The following KLHL14 variants were observed in gnomAD, a reference collection of about 807,000 sequenced individuals.
KLHL14 encodes the protein kelch-like protein 14.
Under a neutral mutation model 64.3 loss-of-function variants are expected in KLHL14, and 22 were observed. The observed-to-expected ratio is 0.34, with a 90% CI of 0.24 to 0.49. The LOEUF is 0.49. KLHL14 is among the 20% of genes least tolerant of loss of function. The probability of loss-of-function intolerance (pLI) is 0.99; values close to 1 mark genes in which losing one functional copy is unlikely to be tolerated. For missense variants in KLHL14, 661 were observed against 789.0 expected, an observed-to-expected ratio of 0.84 and a Z score of 1.94; for synonymous variants, 322 against 333.4, an observed-to-expected ratio of 0.97 and a Z score of 0.37.
chr18:32,724,975 C>T (rs1204204688), intron 3 of KLHL14, among the ~76,000 whole-genome samples: 1 of 151,744 alleles, frequency 6.6e-6, no homozygotes, highest in Non-Finnish European at 1.5e-5. Context: ...TGTTCATTAC[C>T]ATGTTTAGCA....
chr18:32,731,872 C>T (rs1211256639), intron 3 of KLHL14, among the ~76,000 whole-genome samples: 1 of 152,068 alleles, frequency 6.6e-6, no homozygotes, highest in Admixed American at 6.5e-5. Context: ...TTTAAAAATT[C>T]ACTCCAAATG....
At position 32,734,282 on chromosome 18, in the gene KLHL14, G is replaced by C. The variant is rs1180673413; in HGVS notation, c.1069+7646C>G. The C allele has an allele frequency of 5.7e-6, 4 of 701,994 alleles. No individual in the cohort carries two copies. The South Asian group carries it at 5.9e-5, about 10-fold the overall frequency. 43.5% of individuals were successfully genotyped at this position (701,994 alleles called of 1,614,324 possible). The stretch of plus-strand genomic sequence containing the variant: ...TGATATATGTCACTTTTAATCACCA[G>C]TGCAAGACACTGCAGCTCTTTCTTC... On this transcript the variant is annotated intron_variant, in intron 3 of 8. Transcript: ENST00000359358.
chr18:32,768,933 G>C (rs994072621), intron 2 of KLHL14, among the ~76,000 whole-genome samples: 1 of 152,122 alleles, frequency 6.6e-6, no homozygotes, highest in East Asian at 1.9e-4. Flanking sequence ...CTCAGAAATG[G>C]GAGTTGCTAG....
chr18:32,707,348 C>A (rs1389520055), intron 3 of KLHL14, among the ~76,000 whole-genome samples: 6 of 152,234 alleles, frequency 3.9e-5, no homozygotes, highest in Non-Finnish European at 8.8e-5. Flanking sequence ...TCCTTCAGGG[C>A]AGGCCAGCCT....
rs144185544 is a variant in KLHL14, at chr18:32,718,192, C to A, written c.1070-22640G>T. On this transcript the variant is annotated intron_variant, in intron 3 of 8. Transcript: ENST00000359358. ...GATTTAATTATGTTATTTCTCTGCT[C>A]AAAGATTTTTGGTGAGTCCCCACTG... Among the ~76,000 whole-genome samples the A allele has an allele frequency of 1.1e-3, 173 of 152,264 alleles. 1 individual carries two copies. The highest frequency in any genetic ancestry group is 3.6e-3 in the African/African-American group (149 of 41,558).
intron 3 of KLHL14, among the ~76,000 whole-genome samples, chr18:32,741,660 C>T (rs1186424294): frequency 6.6e-6 from 1 of 152,110 alleles, no homozygotes; most frequent in Non-Finnish European, 1.5e-5. Context: ...GATCTTTGCT[C>T]CTCCCCCACA....
chr18:32,718,323 C>A (rs76616297), intron 3 of KLHL14, among the ~76,000 whole-genome samples: 1 of 152,174 alleles, frequency 6.6e-6, no homozygotes, highest in Non-Finnish European at 1.5e-5. Flanking sequence ...ATTTAAAATG[C>A]AATGTCATAT....
chr18:32,729,203 C>T (rs2050122945), intron 3 of KLHL14, among the ~76,000 whole-genome samples: 1 of 152,104 alleles, frequency 6.6e-6, no homozygotes, highest in Admixed American at 6.6e-5. Flanking sequence ...GTGGGGGTCA[C>T]CTATTTGTTT....
intron 4 of KLHL14, among the ~76,000 whole-genome samples, chr18:32,694,132 T>C (rs2049925885): frequency 6.6e-6 from 1 of 152,218 alleles, no homozygotes; most frequent in Non-Finnish European, 1.5e-5. Flanking sequence ...AGAGGTCTAT[T>C]CTACCTGCAA....
At chr18:32,772,132 G>A (rs1181268209) in intron 1 of KLHL14, 4 of 263,806 alleles carry the variant, frequency 1.5e-5, no homozygotes, top group South Asian at 4.1e-5. Flanking sequence ...CCGCCCGGGG[G>A]AGAGCCGCCG....
chr18:32,739,160 G>T (rs1156722945), intron 3 of KLHL14, among the ~76,000 whole-genome samples: 3 of 152,050 alleles, frequency 2.0e-5, no homozygotes, highest in Non-Finnish European at 4.4e-5. Flanking sequence ...CAAACCAGGG[G>T]ACTGTCTCCT....
intron 2 of KLHL14, among the ~76,000 whole-genome samples, chr18:32,755,805 G>T (rs963506462): frequency 7.2e-5 from 11 of 152,086 alleles, no homozygotes; most frequent in African/African-American, 2.7e-4. Flanking sequence ...CTCTATGTTT[G>T]ATTCTTGAAA....
chr18:32,700,020 A>C (rs1435885579), intron 3 of KLHL14, among the ~76,000 whole-genome samples: 1 of 151,994 alleles, frequency 6.6e-6, no homozygotes, highest in African/African-American at 2.4e-5. Context: ...CTGGCCTATA[A>C]AATGTCCAGG....
chr18:32,685,853 T>C (rs2049874647), intron 5 of KLHL14, among the ~76,000 whole-genome samples: 1 of 152,184 alleles, frequency 6.6e-6, no homozygotes. Flanking sequence ...TAAATGGTAT[T>C]GTATGAAAAT....
intron 2 of KLHL14, among the ~76,000 whole-genome samples, chr18:32,757,452 G>A (rs1033912913): frequency 6.6e-6 from 1 of 152,138 alleles, no homozygotes; most frequent in Admixed American, 6.5e-5. Flanking sequence ...CCCGTGCTTT[G>A]CTGTTTCCTG....
At chr18:32,684,926 A>C (rs1359074925) in intron 5 of KLHL14, among the ~76,000 whole-genome samples, 1 of 152,184 alleles carries the variant, frequency 6.6e-6, no homozygotes, top group Admixed American at 6.5e-5. Flanking sequence ...TGGGTCAACC[A>C]GCCCATAGGA....
chr18:32,723,427 T>A (rs1295159206), intron 3 of KLHL14, among the ~76,000 whole-genome samples: 1 of 152,120 alleles, frequency 6.6e-6, no homozygotes, highest in African/African-American at 2.4e-5. Flanking sequence ...TGGATTTGCT[T>A]TCAGAAGACT....
intron 3 of KLHL14, among the ~76,000 whole-genome samples, chr18:32,728,407 C>T (rs1206642094): frequency 5.3e-5 from 8 of 152,112 alleles, no homozygotes; most frequent in African/African-American, 1.2e-4. Flanking sequence ...CTACCATGGT[C>T]GAGGGCTGAT....
chr18:32,731,948 C>T (rs918972438), intron 3 of KLHL14, among the ~76,000 whole-genome samples: 10 of 152,172 alleles, frequency 6.6e-5, no homozygotes, highest in East Asian at 1.9e-4. Flanking sequence ...TGGCTGAGCG[C>T]GGTGGCTTAC....
Sources: allele counts gnomAD v4.1 joint callset (sites outside exome capture counted in the v4.1 genomes callset), GRCh38; gene constraint gnomAD v4.1.1; transcripts MANE v1.5; gene names NCBI Gene and HGNC (gene_info 2026-07-23, HGNC 2026-07-21).